The following STARD13 variants were observed in gnomAD, a reference collection of about 807,000 sequenced individuals.
STARD13 encodes StAR related lipid transfer domain containing 13.
STARD13 carries 62 observed loss-of-function variants against 106.4 expected under a neutral mutation model. The observed-to-expected ratio is 0.58, with a 90% CI of 0.48 to 0.72. The LOEUF (loss-of-function observed/expected upper bound fraction) is 0.72, where lower values mean the gene tolerates loss of function less well. STARD13 is among the 30% of genes least tolerant of loss of function. The pLI, the probability that STARD13 is intolerant of heterozygous loss-of-function variation, is 0.00. For synonymous variants in STARD13, 565 were observed against 553.0 expected (o/e 1.02, Z -0.31); for missense variants, 1,387 against 1,424.0 (o/e 0.97, Z 0.42).
the STARD13 span, among the ~76,000 whole-genome samples, chr13:33,592,115 G>A: frequency 5.9e-5 from 9 of 152,182 alleles, 1 homozygote; most frequent in South Asian, 1.5e-3. Context: ...TCTTCAAAAC[G>A]CAATTAGAAT....
intron 8 of STARD13, chr13:33,113,687 G>T: frequency 2.3e-6 from 1 of 443,248 alleles, no homozygotes; most frequent in Non-Finnish European, 4.5e-6. Context: ...GGCAGCCTAA[G>T]GTTATGGGGG....
At chr13:33,358,372 G>A in the STARD13 span, among the ~76,000 whole-genome samples, 8 of 152,224 alleles carry the variant, frequency 5.3e-5, no homozygotes, top group South Asian at 2.1e-4. Flanking sequence ...GTAAGCGCAC[G>A]GCACAGGACT....
chr13:33,110,661 A>G (rs940363998), intron 11 of STARD13, 25 bp downstream of exon 11: 1 of 1,593,728 alleles, frequency 6.3e-7, no homozygotes, highest in Admixed American at 1.7e-5. Context: ...TCTGGGGGTG[A>G]TCTTTTTCCA....
the STARD13 span, among the ~76,000 whole-genome samples, chr13:33,538,234 C>T: frequency 3.3e-5 from 5 of 151,968 alleles, no homozygotes; most frequent in African/African-American, 9.7e-5. Flanking sequence ...AAAATTCTGC[C>T]CATATTTGAC....
At chr13:33,350,774 T>G, upstream of STARD13, 1 of 542,816 alleles carries the variant, frequency 1.8e-6, no homozygotes, top group Non-Finnish European at 2.3e-6. Flanking sequence ...AGGAGCGCGC[T>G]TCCCCTTCCC....
chr13:33,391,386 T>G, the STARD13 span, among the ~76,000 whole-genome samples: 3 of 152,162 alleles, frequency 2.0e-5, 1 homozygote, highest in South Asian at 6.2e-4. Context: ...GGATTCAAGG[T>G]GTTTTGCTTT....
the STARD13 span, among the ~76,000 whole-genome samples, chr13:33,617,584 T>A: frequency 3.4e-5 from 5 of 148,772 alleles, no homozygotes; most frequent in Non-Finnish European, 5.9e-5. Context: ...CATATCATCA[T>A]TTTTTCTTTA....
chr13:33,262,448 C>A (rs1043095563), intron 1 of STARD13, among the ~76,000 whole-genome samples: 2 of 152,122 alleles, frequency 1.3e-5, no homozygotes, highest in African/African-American at 2.4e-5. Flanking sequence ...ATGATGGGGG[C>A]TCTAAGGGGA....
intron 8 of STARD13, among the ~76,000 whole-genome samples, chr13:33,116,059 C>G (rs1566535515): frequency 1.3e-5 from 2 of 152,184 alleles, no homozygotes. Flanking sequence ...CTCAACAACA[C>G]CCGACGGTTC....
intron 1 of STARD13, among the ~76,000 whole-genome samples, chr13:33,238,405 G>T (rs1889299628): frequency 4.6e-5 from 7 of 152,090 alleles, no homozygotes. Context: ...TGAAAGATTT[G>T]GGGAAAATGA....
intron 2 of STARD13, among the ~76,000 whole-genome samples, chr13:33,165,751 C>T (rs112005371): frequency 6.6e-5 from 10 of 152,306 alleles, no homozygotes; most frequent in African/African-American, 2.2e-4. Flanking sequence ...CCACCTAACA[C>T]GTAGGTCACT....
chr13:33,320,838 C>A (rs114603236), intron 1 of STARD13, among the ~76,000 whole-genome samples: 10 of 152,074 alleles, frequency 6.6e-5, no homozygotes, highest in Admixed American at 1.3e-4. Flanking sequence ...CCGATGTGTA[C>A]CATTCTAAAT....
chr13:33,620,805 A>G, the STARD13 span, among the ~76,000 whole-genome samples: 2 of 150,796 alleles, frequency 1.3e-5, no homozygotes, highest in Non-Finnish European at 3.0e-5. Flanking sequence ...TTGTATAGAT[A>G]AAATATAATA....
chr13:33,525,766 A>G, the STARD13 span, among the ~76,000 whole-genome samples: 8 of 152,150 alleles, frequency 5.3e-5, no homozygotes, highest in African/African-American at 1.9e-4. Context: ...TCTGTTATTT[A>G]ACTAATTTTA....
the STARD13 span, among the ~76,000 whole-genome samples, chr13:33,415,734 T>C: frequency 2.0e-5 from 3 of 152,232 alleles, no homozygotes; most frequent in Non-Finnish European, 4.4e-5. Flanking sequence ...CAAAAGCTTA[T>C]ACATTCAAAG....
the STARD13 span, among the ~76,000 whole-genome samples, chr13:33,476,482 T>C: frequency 5.3e-5 from 8 of 152,230 alleles, no homozygotes; most frequent in Non-Finnish European, 7.3e-5. Flanking sequence ...TGTTTTGTGG[T>C]ACATTATTTA....
Position 33,253,543 on chromosome 13 carries a change from T to C in STARD13, c.169+31927A>G, listed in dbSNP as rs184024673. Among the ~76,000 whole-genome samples the C allele has an allele frequency of 5.0e-3, 754 of 152,320 alleles. 2 individuals are homozygous for C. Among genetic ancestry groups the C allele is most frequent in the Non-Finnish European group, 8.2e-3 (558 of 68,026 alleles). On this transcript the variant is annotated intron_variant, in intron 1 of 13. Coordinates refer to ENST00000336934, the MANE Select transcript of STARD13 (RefSeq NM_178006.4). ...CAGCGTGTATTTATAAGATGAAGCATGCTGTTGGGCTCTAGCTGCAGCACT... is the reference window on the plus strand; with the variant it reads ...CAGCGTGTATTTATAAGATGAAGCACGCTGTTGGGCTCTAGCTGCAGCACT...
the STARD13 span, among the ~76,000 whole-genome samples, chr13:33,515,251 T>C: frequency 1.3e-5 from 2 of 152,114 alleles, no homozygotes; most frequent in Non-Finnish European, 2.9e-5. Flanking sequence ...TTACATGGAG[T>C]ATTGCGGAGC....
the STARD13 span, among the ~76,000 whole-genome samples, chr13:33,560,179 C>A: frequency 6.6e-6 from 1 of 151,542 alleles, no homozygotes; most frequent in Non-Finnish European, 1.5e-5. Context: ...GTCCACATAG[C>A]TACCCCACAC....
Sources: gnomAD v4.1 joint callset for allele counts (sites outside exome capture counted in the v4.1 genomes callset) on GRCh38, gnomAD v4.1.1 for gene constraint, MANE v1.5 for transcripts, NCBI Gene and HGNC (gene_info 2026-07-23, HGNC 2026-07-21) for gene names.